Variants in SHROOM4 observed in about 807,000 individuals in gnomAD.
SHROOM4 encodes the protein protein Shroom4.
Under a neutral mutation model 80.3 loss-of-function variants are expected in SHROOM4, and 17 were observed. The observed-to-expected ratio is 0.21, with a 90% CI of 0.14 to 0.32. The LOEUF (loss-of-function observed/expected upper bound fraction) is 0.32. Among genes scored for constraint, SHROOM4 ranks in the 10% least tolerant of loss-of-function variants. SHROOM4 has a pLI of 1.00. For synonymous variants in SHROOM4, 400 were observed against 437.5 expected, an observed-to-expected ratio of 0.91 and a Z score of 1.07; for missense variants, 993 against 1,140.3, an observed-to-expected ratio of 0.87 and a Z score of 1.86.
Position 50,795,051 on chromosome X carries a change from G to C in SHROOM4, c.117+18851C>G, listed in dbSNP as rs201679937. On this transcript the variant is annotated intron_variant, in intron 1 of 8. Coordinates refer to ENST00000376020, the MANE Select transcript of SHROOM4 (RefSeq NM_020717.5). ...TATCATATATATCTCATATATATAT[G>C]ATATATATATGATATATATATATGA... Among the ~76,000 whole-genome samples, 14 of 2,518 alleles carry C rather than the reference G, an allele frequency of 5.6e-3. 1 individual carries two copies. The highest frequency in any genetic ancestry group is 6.0e-3 in the African/African-American group (13 of 2,168). 2.2% of individuals were successfully genotyped at this position (2,518 alleles called of 115,157 possible).
At chrX:50,748,352 T>C (rs1255838929) in intron 1 of SHROOM4, among the ~76,000 whole-genome samples, 1 of 111,289 alleles carries the variant, frequency 9.0e-6, no homozygotes, top group African/African-American at 3.3e-5. Flanking sequence ...GTAGAAAATA[T>C]CATGAGAAAC....
In SHROOM4 at chrX:50,778,168, T is replaced by C. The variant is rs115816298; in HGVS notation, c.117+35734A>G. ...TCAGCTTTCTGACCATGTTAATCCT[T>C]TGCTCAGACTACTGCAGACTCTTGA... On this transcript the variant is annotated intron_variant, in intron 1 of 8. Transcript: ENST00000376020. Among the ~76,000 whole-genome samples, 233 of 112,204 alleles carry C rather than the reference T, an allele frequency of 2.1e-3. 3 individuals carry two copies. Among genetic ancestry groups the C allele is most frequent in the African/African-American group, 7.1e-3 (220 of 30,918 alleles).
At chrX:50,649,427 C>G (rs1490860278) in intron 2 of SHROOM4, among the ~76,000 whole-genome samples, 10 of 111,372 alleles carry the variant, frequency 9.0e-5, no homozygotes, top group African/African-American at 2.9e-4. Flanking sequence ...CTCTGCAGAG[C>G]TATAGTTCAG....
At chrX:50,724,596 C>G (rs1019415082) in intron 1 of SHROOM4, among the ~76,000 whole-genome samples, 23 of 112,597 alleles carry the variant, frequency 2.0e-4, no homozygotes, top group Non-Finnish European at 3.8e-4. Flanking sequence ...TCCCGAGTAG[C>G]TGGGATGACA....
At chrX:50,786,058 C>T (rs906685075) in intron 1 of SHROOM4, among the ~76,000 whole-genome samples, 12 of 111,613 alleles carry the variant, frequency 1.1e-4, no homozygotes, top group Non-Finnish European at 2.1e-4. Flanking sequence ...GACTCCTGTA[C>T]GATGAGACTA....
intron 1 of SHROOM4, among the ~76,000 whole-genome samples, chrX:50,799,840 A>C (rs1936084180): frequency 8.9e-6 from 1 of 112,070 alleles, no homozygotes. Context: ...TGTTGTTTTA[A>C]GAGTCTCACA....
intron 1 of SHROOM4, among the ~76,000 whole-genome samples, chrX:50,716,169 T>C (rs958276971): frequency 4.6e-4 from 41 of 88,466 alleles, no homozygotes; most frequent in African/African-American, 1.8e-3. Flanking sequence ...AATCAAAGGG[T>C]AGAATGGTGT....
At chrX:50,752,348 C>T (rs782015155) in intron 1 of SHROOM4, among the ~76,000 whole-genome samples, 1 of 111,813 alleles carries the variant, frequency 8.9e-6, no homozygotes, top group East Asian at 2.8e-4. Context: ...AGTCACATAT[C>T]TCTGGGGAAA....
chrX:50,737,141 T>C (rs1557266763), intron 1 of SHROOM4, among the ~76,000 whole-genome samples: 1 of 111,549 alleles, frequency 9.0e-6, no homozygotes, highest in African/African-American at 3.3e-5. Flanking sequence ...TAACTTACTA[T>C]AAATATGAAG....
At chrX:50,671,318 G>C (rs1438697573) in intron 2 of SHROOM4, among the ~76,000 whole-genome samples, 2 of 111,869 alleles carry the variant, frequency 1.8e-5, no homozygotes, top group Non-Finnish European at 3.8e-5. Context: ...CCTAACAAGA[G>C]AGTCAGCCTA....
intron 1 of SHROOM4, among the ~76,000 whole-genome samples, chrX:50,729,000 C>A (rs1934303455): frequency 9.9e-6 from 1 of 101,063 alleles, no homozygotes; most frequent in Non-Finnish European, 2.0e-5. Context: ...ACAGCAAGTC[C>A]CAAAAATTGG....
intron 2 of SHROOM4, among the ~76,000 whole-genome samples, chrX:50,678,020 T>C (rs971914902): frequency 1.1e-4 from 12 of 111,825 alleles, no homozygotes; most frequent in Non-Finnish European, 2.3e-4. Context: ...TCAACCAAAT[T>C]AGCGTAGGAA....
At chrX:50,797,456 G>C (rs1455121255) in intron 1 of SHROOM4, among the ~76,000 whole-genome samples, 1 of 111,637 alleles carries the variant, frequency 9.0e-6, no homozygotes, top group Non-Finnish European at 1.9e-5. Flanking sequence ...GCAAAATAAA[G>C]AATCTATATT....
intron 2 of SHROOM4, among the ~76,000 whole-genome samples, chrX:50,650,475 C>T (rs1961488): frequency 0.047 from 5,246 of 110,501 alleles, 342 homozygotes; most frequent in African/African-American, 0.16. Context: ...CTCAGCCTCC[C>T]GAGTAGCCGG....
chrX:50,595,933 T>C lies in SHROOM4; in HGVS notation c.*762A>G. On this transcript the variant is annotated 3_prime_UTR_variant, in exon 9 of 9. Coordinates refer to ENST00000376020, the MANE Select transcript of SHROOM4 (RefSeq NM_020717.5). ...GTAGAGCTATTAATGGCCCATATGGTGAAGCCCTGGGGTAGGCACCTGCGG... is the reference window on the plus strand; with the variant it reads ...GTAGAGCTATTAATGGCCCATATGGCGAAGCCCTGGGGTAGGCACCTGCGG... 3.0e-6 allele frequency: 1 copy of C among 329,202 alleles called. No homozygotes were observed. The highest frequency in any genetic ancestry group is 5.9e-6 in the Non-Finnish European group (1 of 169,902). 27.1% of individuals were successfully genotyped at this position (329,202 alleles called of 1,213,427 possible).
chrX:50,597,745 T>C (rs1325511015), intron 8 of SHROOM4, among the ~76,000 whole-genome samples: 1 of 112,320 alleles, frequency 8.9e-6, no homozygotes, highest in Non-Finnish European at 1.9e-5. Context: ...AGTGACGTTA[T>C]GTAAGTTGTC....
In SHROOM4 at chrX:50,633,897, A is replaced by G. The variant is rs1392075222; in HGVS notation, c.2176T>C (p.Trp726Arg). 28 of 1,210,141 alleles carry G rather than the reference A, an allele frequency of 2.3e-5. No homozygotes were observed. The highest frequency in any genetic ancestry group is 3.1e-5 in the Non-Finnish European group (28 of 895,187). ...HAHCGVRGGHWRWSPEHNSQP... is the reference protein window; with the variant it reads ...HAHCGVRGGHRRWSPEHNSQP... ...GAATTATGCTCTGGAGACCATCTCC[A>G]ATGACCTCCACGGACTCCACAGTGA... is the stretch of plus-strand genomic sequence containing the variant. Residue 726 changes from tryptophan (W) to arginine (R), a missense_variant, in exon 4 of 9, where the codon TGG becomes CGG. By Grantham distance (101) the Trp-to-Arg change is moderately radical (BLOSUM62 -3). Transcript: ENST00000376020.
rs189761560 is a variant in SHROOM4 at position 50,722,407 on chromosome X, G to C, written c.118-26470C>G. The stretch of plus-strand genomic sequence containing the variant: ...TCAGGCCAGCTTCAGTCCTTGACTT[G>C]TTTGCATTTAGCACTCAGTAGATTT... On this transcript the variant is annotated intron_variant, in intron 1 of 8. Coordinates refer to ENST00000376020, the MANE Select transcript of SHROOM4 (RefSeq NM_020717.5). Among the ~76,000 whole-genome samples the C allele has an allele frequency of 3.0e-3, 329 of 110,482 alleles. 1 individual carries two copies. Among genetic ancestry groups the C allele is most frequent in the African/African-American group, 9.9e-3 (302 of 30,382 alleles).
chrX:50,670,509 T>C (rs1429447551), intron 2 of SHROOM4, among the ~76,000 whole-genome samples: 3 of 112,109 alleles, frequency 2.7e-5, no homozygotes, highest in Admixed American at 9.5e-5. Flanking sequence ...CAGTCTATCA[T>C]TGATAGGCAT....
Sources: gnomAD v4.1 joint callset for allele counts (sites outside exome capture counted in the v4.1 genomes callset) on GRCh38, gnomAD v4.1.1 for gene constraint, MANE v1.5 for transcripts, NCBI Gene and HGNC (gene_info 2026-07-23, HGNC 2026-07-21) for gene names.